The following MYO1D variants were observed in gnomAD, a reference collection of about 807,000 sequenced individuals.
MYO1D encodes myosin ID.
MYO1D carries 83 observed loss-of-function variants against 122.0 expected under a neutral mutation model. That is an observed-to-expected ratio of 0.68 (90% CI 0.57 to 0.82). MYO1D has a LOEUF of 0.82. Among genes scored for constraint, MYO1D ranks in the 40% least tolerant of loss-of-function variants. The probability of loss-of-function intolerance (pLI) is 0.00; values close to 1 mark genes in which losing one functional copy is unlikely to be tolerated. For missense variants in MYO1D, 1,157 were observed against 1,269.5 expected (o/e 0.91, Z 1.35); for synonymous variants, 464 against 446.9 (o/e 1.04, Z -0.48).
At chr17:32,755,763 T>C (rs1193714412) in intron 10 of MYO1D, 101 bp from the exon 11 acceptor site, 3 of 1,007,580 alleles carry the variant, frequency 3.0e-6, no homozygotes, top group Non-Finnish European at 4.3e-6. Context: ...TAAAACTACT[T>C]TGGTGTCAAA....
chr17:32,778,599 T>C, intron 2 of MYO1D, 26 bp from the exon 3 acceptor site: 3 of 1,564,344 alleles, frequency 1.9e-6, no homozygotes, highest in Non-Finnish European at 2.6e-6. Context: ...GTTCAGGGCT[T>C]AACATAATAA....
chr17:32,739,971 G>C (rs527857481), intron 13 of MYO1D, among the ~76,000 whole-genome samples: 1 of 152,296 alleles, frequency 6.6e-6, no homozygotes, highest in South Asian at 2.1e-4. Flanking sequence ...ACAAAATGCT[G>C]CAATAACCTG....
intron 21 of MYO1D, among the ~76,000 whole-genome samples, chr17:32,538,342 G>A (rs775272782): frequency 5.3e-5 from 8 of 150,742 alleles, no homozygotes; most frequent in South Asian, 4.2e-4. Flanking sequence ...GTGCAGTGGC[G>A]TGCATGATCA....
chr17:32,532,596 G>A (rs1018128173), intron 21 of MYO1D, among the ~76,000 whole-genome samples: 7 of 151,794 alleles, frequency 4.6e-5, no homozygotes, highest in African/African-American at 9.7e-5. Flanking sequence ...GCGTGGTGGC[G>A]GCGCCTGTAG....
intron 12 of MYO1D, among the ~76,000 whole-genome samples, chr17:32,747,753 C>CTTAG (rs1240561287): frequency 6.6e-6 from 1 of 151,832 alleles, no homozygotes; most frequent in Non-Finnish European, 1.5e-5. Flanking sequence ...AGGAGACTTG[C>CTTAG]TTAGGCCTGG....
At chr17:32,543,849 A>G (rs112064012) in intron 21 of MYO1D, among the ~76,000 whole-genome samples, 5,938 of 152,032 alleles carry the variant, frequency 0.039, 345 homozygotes, top group African/African-American at 0.13. Context: ...CTGGATTGCA[A>G]TGGCATAGTC....
intron 20 of MYO1D, among the ~76,000 whole-genome samples, chr17:32,624,087 T>C (rs1044195849): frequency 1.3e-5 from 2 of 152,164 alleles, no homozygotes; most frequent in African/African-American, 2.4e-5. Context: ...AGTCCAACTT[T>C]TAACAGATGT....
chr17:32,692,122 C>T (rs532834097), intron 16 of MYO1D, among the ~76,000 whole-genome samples: 11 of 152,254 alleles, frequency 7.2e-5, no homozygotes, highest in African/African-American at 2.4e-4. Flanking sequence ...TATAGCTCCT[C>T]GTTAATAGAA....
chr17:32,688,993 C>T (rs1443502857), intron 16 of MYO1D, among the ~76,000 whole-genome samples: 1 of 151,646 alleles, frequency 6.6e-6, no homozygotes, highest in Non-Finnish European at 1.5e-5. Flanking sequence ...GAGAGTAGAA[C>T]AAAGACTGGA....
intron 16 of MYO1D, among the ~76,000 whole-genome samples, chr17:32,706,853 T>C (rs529213460): frequency 6.6e-6 from 1 of 152,234 alleles, no homozygotes; most frequent in Admixed American, 6.5e-5. Context: ...CCTGCCACCA[T>C]GCCTGGCTAA....
At chr17:32,613,669 G>T (rs555917174) in intron 20 of MYO1D, among the ~76,000 whole-genome samples, 1 of 151,618 alleles carries the variant, frequency 6.6e-6, no homozygotes, top group Non-Finnish European at 1.5e-5. Flanking sequence ...AGCTACTCGG[G>T]GGGCTGAGGC....
chr17:32,641,659 T>C (rs1234375014), intron 19 of MYO1D, among the ~76,000 whole-genome samples: 3 of 152,252 alleles, frequency 2.0e-5, no homozygotes, highest in African/African-American at 7.2e-5. Context: ...CATTGTGGTT[T>C]TGATTTGCAT....
chr17:32,652,750 T>G (rs775556506), intron 19 of MYO1D, among the ~76,000 whole-genome samples: 28 of 152,168 alleles, frequency 1.8e-4, no homozygotes, highest in Non-Finnish European at 3.8e-4. Context: ...AATACATTCA[T>G]AGCAGGTAAC....
chr17:32,609,971 T>C (rs1304481531), intron 20 of MYO1D, among the ~76,000 whole-genome samples: 1 of 152,234 alleles, frequency 6.6e-6, no homozygotes, highest in Non-Finnish European at 1.5e-5. Flanking sequence ...CACGCTTCAC[T>C]CTCATTTCAT....
chr17:32,679,125 ATTTG>A (rs1459699611), intron 16 of MYO1D, among the ~76,000 whole-genome samples: 12 of 151,952 alleles, frequency 7.9e-5, no homozygotes, highest in Non-Finnish European at 1.5e-5. Context: ...TTTCTTGTAA[ATTTG>A]TTTGAGTTCA....
At chr17:32,568,787 C>T (rs1597902979) in intron 21 of MYO1D, among the ~76,000 whole-genome samples, 1 of 152,234 alleles carries the variant, frequency 6.6e-6, no homozygotes, top group East Asian at 1.9e-4. Context: ...GACCTCAGCC[C>T]TTCCAGCTTC....
chr17:32,733,542 T>A (rs1328965760), intron 14 of MYO1D, among the ~76,000 whole-genome samples: 1 of 152,200 alleles, frequency 6.6e-6, no homozygotes, highest in African/African-American at 2.4e-5. Context: ...AATGGGGAAT[T>A]ACTTCTAGTT....
At chr17:32,705,133 A>C (rs1598024740) in intron 16 of MYO1D, among the ~76,000 whole-genome samples, 1 of 128,752 alleles carries the variant, frequency 7.8e-6, no homozygotes, top group Non-Finnish European at 1.6e-5. Context: ...ACGTGGGTCC[A>C]CTCATACAGA....
chr17:32,788,729 G>A (rs2151034580), intron 1 of MYO1D, among the ~76,000 whole-genome samples: 1 of 152,110 alleles, frequency 6.6e-6, no homozygotes, highest in South Asian at 2.1e-4. Context: ...TGCTTTGGGG[G>A]TGCAGGCTCT....
Sources: allele counts gnomAD v4.1 joint callset (sites outside exome capture counted in the v4.1 genomes callset), GRCh38; gene constraint gnomAD v4.1.1; transcripts MANE v1.5; gene names NCBI Gene and HGNC (gene_info 2026-07-23, HGNC 2026-07-21).